HS3ST5: variants seen among roughly 807,000 people sequenced by gnomAD.
The protein encoded by HS3ST5 is heparan sulfate-glucosamine 3-sulfotransferase 5, also known as heparan sulfate glucosamine 3-O-sulfotransferase 5.
HS3ST5 carries 10 observed loss-of-function variants against 25.4 expected under a neutral mutation model. The ratio of observed to expected loss-of-function variants is 0.39; its 90% confidence interval spans 0.24 to 0.67. The LOEUF is 0.67. Among genes scored for constraint, HS3ST5 ranks in the 30% least tolerant of loss-of-function variants. The pLI is 0.44. For missense variants in HS3ST5, 324 were observed against 420.7 expected, an observed-to-expected ratio of 0.77 and a Z score of 2.01; for synonymous variants, 170 against 162.4, an observed-to-expected ratio of 1.05 and a Z score of -0.36.
intron 3 of HS3ST5, among the ~76,000 whole-genome samples, chr6:114,091,205 G>GAACT (rs1295569787): frequency 1.3e-5 from 2 of 152,240 alleles, no homozygotes; most frequent in Admixed American, 6.5e-5. Context: ...TAGCCCCACT[G>GAACT]AACTGGAGGT....
chr6:114,289,321 G>T (rs558929451), intron 1 of HS3ST5, among the ~76,000 whole-genome samples: 1 of 151,980 alleles, frequency 6.6e-6, no homozygotes, highest in Non-Finnish European at 1.5e-5. Flanking sequence ...TGCTGCAACT[G>T]CTTCCAAATC....
At chr6:114,189,650 A>G (rs2114289427) in intron 2 of HS3ST5, among the ~76,000 whole-genome samples, 1 of 151,856 alleles carries the variant, frequency 6.6e-6, no homozygotes, top group African/African-American at 2.4e-5. Context: ...ATTTCCATGC[A>G]TATTTTTCTT....
intron 3 of HS3ST5, among the ~76,000 whole-genome samples, chr6:114,144,964 AC>A (rs1778082335): frequency 6.6e-6 from 1 of 152,166 alleles, no homozygotes; most frequent in Non-Finnish European, 1.5e-5. Flanking sequence ...GTAGTGACAT[AC>A]CTGTGTCTGC....
At chr6:114,113,756 C>A (rs1582615499) in intron 3 of HS3ST5, among the ~76,000 whole-genome samples, 1 of 151,912 alleles carries the variant, frequency 6.6e-6, no homozygotes, top group Admixed American at 6.6e-5. Context: ...AATGACTACT[C>A]TTACGCTAGT....
chr6:114,341,615 G>A (rs1395012004), intron 1 of HS3ST5, among the ~76,000 whole-genome samples: 1 of 151,464 alleles, frequency 6.6e-6, no homozygotes, highest in African/African-American at 2.4e-5. Flanking sequence ...GTGTGTGTTG[G>A]GTGGGAAGAG....
At position 114,058,165 on chromosome 6, in the gene HS3ST5, C is replaced by T; in HGVS notation, c.133G>A (p.Gly45Ser). 1 of 1,607,824 alleles carries T rather than the reference C, an allele frequency of 6.2e-7. No individual in the cohort carries two copies. The highest frequency in any genetic ancestry group is 1.3e-5 in the African/African-American group (1 of 74,926). Reference sequence around the variant, plus strand: ...TGAGTGCGGGCTCCACCCAGTCGACCTTCAATGGGGCAAATGGGTTGTAGC... The same window carrying T: ...TGAGTGCGGGCTCCACCCAGTCGACTTTCAATGGGGCAAATGGGTTGTAGC... ...DRLQPICPIE[G>S]RLGGARTQAE... Residue 45 changes from glycine to serine, a missense_variant, in exon 5 of 5, where the codon GGT becomes AGT. Transcript: ENST00000312719.
chr6:114,114,180 A>G (rs564267718), intron 3 of HS3ST5, among the ~76,000 whole-genome samples: 1 of 152,304 alleles, frequency 6.6e-6, no homozygotes, highest in South Asian at 2.1e-4. Context: ...TTAAACCACT[A>G]TAGTGCCAAA....
At chr6:114,267,802 A>C (rs899771291) in intron 1 of HS3ST5, among the ~76,000 whole-genome samples, 1 of 152,148 alleles carries the variant, frequency 6.6e-6, no homozygotes, top group South Asian at 2.1e-4. Flanking sequence ...CTACATCAGT[A>C]TACTCTTTCT....
intron 1 of HS3ST5, among the ~76,000 whole-genome samples, chr6:114,259,334 T>A (rs975767748): frequency 8.5e-5 from 13 of 152,208 alleles, no homozygotes; most frequent in African/African-American, 3.1e-4. Context: ...TTCCTCTATA[T>A]AATAAATTAA....
At chr6:114,066,598 A>C (rs774210943) in intron 3 of HS3ST5, among the ~76,000 whole-genome samples, 1 of 152,172 alleles carries the variant, frequency 6.6e-6, no homozygotes, top group African/African-American at 2.4e-5. Flanking sequence ...GTGCCACTGC[A>C]CTCCAGCCTG....
intron 1 of HS3ST5, among the ~76,000 whole-genome samples, chr6:114,338,840 G>A (rs1193523103): frequency 6.6e-6 from 1 of 151,954 alleles, no homozygotes; most frequent in East Asian, 1.9e-4. Context: ...AATTAATGTT[G>A]AATTCACAGA....
rs181349560 is a variant in HS3ST5 at position 114,072,530 on chromosome 6, C to T, written c.-32-9653G>A. On this transcript the variant is annotated intron_variant, in intron 3 of 4. Transcript: ENST00000312719. ...ATTATCTTACTCCATTTTACTATTA[C>T]CTATGGTCTTGAGGTTAAGTCTGTT... 7.2e-5 allele frequency among the ~76,000 whole-genome samples: 11 copies of T among 152,166 alleles called. No individual in the cohort carries two copies. The East Asian group carries it at 1.9e-3, about 27-fold the overall frequency.
chr6:114,273,258 C>G (rs1773709308), intron 1 of HS3ST5, among the ~76,000 whole-genome samples: 1 of 151,918 alleles, frequency 6.6e-6, no homozygotes, highest in South Asian at 2.1e-4. Flanking sequence ...AGAGAAAAAC[C>G]CTTTTGTCCT....
At chr6:114,085,933 T>TTCCCC (rs1774779424) in intron 3 of HS3ST5, among the ~76,000 whole-genome samples, 1 of 71,030 alleles carries the variant, frequency 1.4e-5, no homozygotes, top group African/African-American at 5.3e-5. Flanking sequence ...ATAAATTCAT[T>TTCCCC]GCCCCCCCCC....
intron 3 of HS3ST5, among the ~76,000 whole-genome samples, chr6:114,107,161 A>G (rs764631795): frequency 6.6e-5 from 10 of 152,138 alleles, no homozygotes; most frequent in Admixed American, 1.3e-4. Context: ...TAACTTTTTG[A>G]GAAGAAAAAT....
At chr6:114,246,619 T>C (rs573560784) in intron 1 of HS3ST5, among the ~76,000 whole-genome samples, 1 of 152,342 alleles carries the variant, frequency 6.6e-6, no homozygotes, top group East Asian at 1.9e-4. Flanking sequence ...TACAGCAGTG[T>C]TCCTATTAAG....
chr6:114,305,101 T>C (rs962956489), intron 1 of HS3ST5, among the ~76,000 whole-genome samples: 7 of 152,140 alleles, frequency 4.6e-5, no homozygotes, highest in African/African-American at 1.7e-4. Context: ...AATGGATCTC[T>C]TACTAAGCAT....
intron 1 of HS3ST5, among the ~76,000 whole-genome samples, chr6:114,297,544 T>C (rs896296883): frequency 6.6e-6 from 1 of 152,188 alleles, no homozygotes; most frequent in Non-Finnish European, 1.5e-5. Context: ...AGTTAGTATA[T>C]ATTTTTTTCA....
At chr6:114,181,051 G>A (rs761891453) in intron 2 of HS3ST5, among the ~76,000 whole-genome samples, 1 of 152,144 alleles carries the variant, frequency 6.6e-6, no homozygotes, top group Non-Finnish European at 1.5e-5. Context: ...AATGTGTATT[G>A]GATTTGAAGA....
Sources: gnomAD v4.1 joint callset for allele counts (sites outside exome capture counted in the v4.1 genomes callset) on GRCh38, gnomAD v4.1.1 for gene constraint, MANE v1.5 for transcripts, NCBI Gene and HGNC (gene_info 2026-07-23, HGNC 2026-07-21) for gene names.